FMN2: variants seen among roughly 807,000 people sequenced by gnomAD.
FMN2 encodes formin-2.
FMN2 carries 51 observed loss-of-function variants against 142.3 expected under a neutral mutation model. That is an observed-to-expected ratio of 0.36 (90% CI 0.29 to 0.45). FMN2 has a LOEUF of 0.45. Ranked by LOEUF, FMN2 falls within the 20% of genes least tolerant of loss-of-function variation. FMN2 has a pLI of 1.00. For missense variants in FMN2, 1,936 were observed against 2,122.8 expected (o/e 0.91, Z 1.73); for synonymous variants, 882 against 869.8 (o/e 1.01, Z -0.25).
chr1:240,332,401 A>G (rs1215576334), intron 11 of FMN2, among the ~76,000 whole-genome samples: 1 of 151,920 alleles, frequency 6.6e-6, no homozygotes, highest in Non-Finnish European at 1.5e-5. Flanking sequence ...CCTTTTCTTA[A>G]CCTATGGTAA....
chr1:240,200,329 C>A (rs1020009973), intron 4 of FMN2, among the ~76,000 whole-genome samples: 2 of 152,124 alleles, frequency 1.3e-5, no homozygotes, highest in African/African-American at 4.8e-5. Flanking sequence ...CTTTATAAAT[C>A]CCTGAAAGAA....
intron 2 of FMN2, among the ~76,000 whole-genome samples, chr1:240,174,909 T>C (rs1664855678): frequency 6.6e-6 from 1 of 152,238 alleles, no homozygotes; most frequent in Non-Finnish European, 1.5e-5. Flanking sequence ...TTCACATTGT[T>C]GTGCAATCAA....
chr1:240,138,584 G>A (rs887221723), intron 2 of FMN2, among the ~76,000 whole-genome samples: 1 of 151,976 alleles, frequency 6.6e-6, no homozygotes, highest in Non-Finnish European at 1.5e-5. Context: ...GTGCATGCCT[G>A]TAGTCCCAGC....
At chr1:240,234,270 C>T (rs987523671) in intron 6 of FMN2, among the ~76,000 whole-genome samples, 1 of 152,074 alleles carries the variant, frequency 6.6e-6, no homozygotes, top group Non-Finnish European at 1.5e-5. Flanking sequence ...ATCCCCCCTA[C>T]CCTCGCCATG....
chr1:240,377,048 A>G lies in FMN2; in HGVS notation c.4859-15463A>G, dbSNP rs1673071148. Among the ~76,000 whole-genome samples the G allele has an allele frequency of 4.6e-5, 7 of 152,172 alleles. No individual in the cohort carries two copies. The South Asian group carries it at 1.4e-3, about 31-fold the overall frequency. The stretch of plus-strand genomic sequence containing the variant: ...AATATATTGCTCCTACTTGCATTTA[A>G]GTCATTATCTTAAAAAAATTTTAAA... On this transcript the variant is annotated intron_variant, in intron 14 of 17. Transcript: ENST00000319653.
Position 240,219,184 on chromosome 1 carries a change from T to C in FMN2, c.4065+7949T>C, listed in dbSNP as rs139405309. Among the ~76,000 whole-genome samples, 223 of 152,324 alleles carry C rather than the reference T, an allele frequency of 1.5e-3. 1 individual carries two copies. Among genetic ancestry groups the C allele is most frequent in the African/African-American group, 5.0e-3 (209 of 41,584 alleles). ...TTCATTTCTCTTAGCTGAATGTGTT[T>C]CCTTCTCATCCTTCTACCCAGCCTC... On this transcript the variant is annotated intron_variant, in intron 6 of 17. Coordinates refer to ENST00000319653, the MANE Select transcript of FMN2 (RefSeq NM_020066.5).
At chr1:240,159,880 T>C (rs1387243411) in intron 2 of FMN2, among the ~76,000 whole-genome samples, 1 of 144,208 alleles carries the variant, frequency 6.9e-6, no homozygotes, top group East Asian at 2.0e-4. Flanking sequence ...TTTGCATACA[T>C]GGAGAGATAT....
chr1:240,232,149 A>C lies in FMN2; in HGVS notation c.4065+20914A>C, dbSNP rs145404064. Among the ~76,000 whole-genome samples the C allele has an allele frequency of 1.8e-3, 267 of 151,886 alleles. 1 individual carries two copies. The highest frequency in any genetic ancestry group is 6.0e-3 in the African/African-American group (250 of 41,378). The stretch of plus-strand genomic sequence containing the variant: ...CAATGATGCGATCTCAGCTCACTGC[A>C]ACCTCCGCCTCCTGGGTTCAAGGGA... On this transcript the variant is annotated intron_variant, in intron 6 of 17. Transcript: ENST00000319653.
chr1:240,306,106 T>G (rs1405044575), intron 8 of FMN2, among the ~76,000 whole-genome samples: 1 of 151,936 alleles, frequency 6.6e-6, no homozygotes, highest in Admixed American at 6.6e-5. Context: ...TGTACCACCA[T>G]GCCCAGCTAA....
chr1:240,388,587 G>A (rs991390941), intron 14 of FMN2, among the ~76,000 whole-genome samples: 15 of 152,026 alleles, frequency 9.9e-5, no homozygotes, highest in South Asian at 8.3e-4. Flanking sequence ...TCCATTAGGC[G>A]TCATAAAAAT....
intron 8 of FMN2, among the ~76,000 whole-genome samples, chr1:240,328,147 C>CAAAAAAAAAAGAAAAAAA (rs1158564294): frequency 1.9e-5 from 1 of 51,456 alleles, no homozygotes; most frequent in African/African-American, 7.5e-5. Flanking sequence ...GACCCCATCT[C>CAAAAAAAAAAGAAAAAAA]AAAAAAAAAA....
intron 3 of FMN2, chr1:240,179,630 CCT>C (rs373366410): frequency 3.3e-5 from 5 of 152,370 alleles, no homozygotes; most frequent in African/African-American, 1.2e-4. Context: ...AGATCAGAGA[CCT>C]CTAACATGAT....
chr1:240,430,519 T>C (rs939030253), intron 15 of FMN2, among the ~76,000 whole-genome samples: 6 of 152,110 alleles, frequency 3.9e-5, no homozygotes, highest in African/African-American at 1.2e-4. Flanking sequence ...TTTATCAACT[T>C]TTTTTCTCTT....
intron 8 of FMN2, among the ~76,000 whole-genome samples, chr1:240,299,184 G>A (rs1171831863): frequency 1.3e-5 from 2 of 152,086 alleles, no homozygotes; most frequent in South Asian, 2.1e-4. Context: ...CTGACCTCAG[G>A]TGATCCACCC....
intron 2 of FMN2, among the ~76,000 whole-genome samples, chr1:240,155,900 T>G (rs976114639): frequency 4.6e-5 from 7 of 151,974 alleles, no homozygotes; most frequent in African/African-American, 1.7e-4. Context: ...GATACTTTTT[T>G]TTTTTTTTAA....
chr1:240,329,277 G>A, intron 9 of FMN2, 62 bp from the exon 10 acceptor site: 2 of 1,593,676 alleles, frequency 1.3e-6, no homozygotes, highest in African/African-American at 1.3e-5. Flanking sequence ...TGAATGAGAT[G>A]AGGATAAACA....
At chr1:240,372,961 C>G (rs1672921070) in intron 14 of FMN2, among the ~76,000 whole-genome samples, 2 of 152,052 alleles carry the variant, frequency 1.3e-5, no homozygotes. Flanking sequence ...CTGAGGCGGA[C>G]AAATCATGAG....
chr1:240,266,210 G>A (rs754869658), intron 7 of FMN2, among the ~76,000 whole-genome samples: 5 of 151,760 alleles, frequency 3.3e-5, no homozygotes, highest in Non-Finnish European at 7.4e-5. Context: ...GGAGTCCCCA[G>A]TGTCTATTGT....
intron 8 of FMN2, among the ~76,000 whole-genome samples, chr1:240,320,461 G>A (rs1670934809): frequency 6.6e-6 from 1 of 152,176 alleles, no homozygotes; most frequent in Admixed American, 6.5e-5. Flanking sequence ...AGACAAATGA[G>A]GAAAATTGTA....
Sources: gnomAD v4.1 joint callset for allele counts (sites outside exome capture counted in the v4.1 genomes callset) on GRCh38, gnomAD v4.1.1 for gene constraint, MANE v1.5 for transcripts, NCBI Gene and HGNC (gene_info 2026-07-23, HGNC 2026-07-21) for gene names.